Variants in SPATA22 observed in about 807,000 individuals in gnomAD.
The protein encoded by SPATA22 is spermatogenesis associated 22.
Under a neutral mutation model 47.8 loss-of-function variants are expected in SPATA22, and 29 were observed. The observed-to-expected ratio is 0.61, with a 90% CI of 0.45 to 0.83. The LOEUF is 0.83. Ranked by LOEUF, SPATA22 falls within the 40% of genes least tolerant of loss-of-function variation. The pLI is 0.00. For synonymous variants in SPATA22, 133 were observed against 140.9 expected (o/e 0.94, Z 0.40); for missense variants, 410 against 421.7 (o/e 0.97, Z 0.24).
intron 6 of SPATA22, among the ~76,000 whole-genome samples, chr17:3,447,914 C>T (rs2072763544): frequency 1.3e-5 from 2 of 152,192 alleles, no homozygotes; most frequent in African/African-American, 2.4e-5. Context: ...TGATGCACTA[C>T]ATAGGACAGT....
intron 7 of SPATA22, among the ~76,000 whole-genome samples, chr17:3,444,566 T>G (rs1000595163): frequency 6.6e-6 from 1 of 152,028 alleles, no homozygotes; most frequent in Non-Finnish European, 1.5e-5. Context: ...GTGTGGAGCC[T>G]TAAGATGAAG....
intron 5 of SPATA22, among the ~76,000 whole-genome samples, chr17:3,453,220 A>G (rs1030180810): frequency 6.6e-6 from 1 of 152,218 alleles, no homozygotes; most frequent in Non-Finnish European, 1.5e-5. Context: ...TCCATACTTC[A>G]AACCTTAGCA....
chr17:3,508,807 G>T (rs1432859387), intron 1 of SPATA22, among the ~76,000 whole-genome samples: 1 of 143,770 alleles, frequency 7.0e-6, no homozygotes, highest in Admixed American at 7.1e-5. Context: ...GCTAAATGAC[G>T]AGTTAATGGG....
intron 1 of SPATA22, among the ~76,000 whole-genome samples, chr17:3,508,394 G>T (rs540390341): frequency 9.3e-4 from 142 of 151,900 alleles, no homozygotes; most frequent in Middle Eastern, 3.4e-3. Context: ...GCCATCCCAT[G>T]ACTGGGTATA....
At chr17:3,505,158 T>G (rs1268435008) in intron 1 of SPATA22, among the ~76,000 whole-genome samples, 1 of 151,964 alleles carries the variant, frequency 6.6e-6, no homozygotes, top group Non-Finnish European at 1.5e-5. Context: ...GACGCTACTC[T>G]TAAACATGAC....
intron 5 of SPATA22, among the ~76,000 whole-genome samples, chr17:3,459,650 C>T (rs60882589): frequency 0.23 from 35,620 of 152,064 alleles, 4,451 homozygotes; most frequent in East Asian, 0.42. Flanking sequence ...TCAAGTGATC[C>T]GCCCGCCTCC....
intron 1 of SPATA22, among the ~76,000 whole-genome samples, chr17:3,486,083 C>A (rs910242297): frequency 6.6e-6 from 1 of 152,102 alleles, no homozygotes; most frequent in Non-Finnish European, 1.5e-5. Context: ...CAGGTGCCCA[C>A]CACCATACCC....
At chr17:3,465,186 C>T (rs1291874907) in intron 3 of SPATA22, among the ~76,000 whole-genome samples, 3 of 138,248 alleles carry the variant, frequency 2.2e-5, no homozygotes, top group South Asian at 2.5e-4. Flanking sequence ...GGCCAGCCGC[C>T]TCGTCCAGGA....
chr17:3,462,259 A>G (rs1373978056), intron 5 of SPATA22, among the ~76,000 whole-genome samples: 1 of 152,232 alleles, frequency 6.6e-6, no homozygotes, highest in Admixed American at 6.5e-5. Flanking sequence ...GAATCTTTTG[A>G]AGCATAATCA....
chr17:3,486,614 G>T (rs558043986), intron 1 of SPATA22, among the ~76,000 whole-genome samples: 1 of 152,150 alleles, frequency 6.6e-6, no homozygotes, highest in Admixed American at 6.6e-5. Flanking sequence ...TTTCTTGAGC[G>T]CCTCATTAGC....
In SPATA22 at chr17:3,483,264, T is replaced by C. The variant is rs9902229; in HGVS notation, c.-73-13866A>G. On this transcript the variant is annotated intron_variant, in intron 1 of 8. Coordinates refer to the SPATA22 transcript ENST00000541913. ...TGGTTCTGGAGAACTATTTAATGTA[T>C]ATTTTACCTGGAAAGACACTGTATA... 0.28 allele frequency among the ~76,000 whole-genome samples: 42,304 copies of C among 152,026 alleles called. 6,388 individuals carry two copies. The highest frequency in any genetic ancestry group is 0.57 in the East Asian group (2,960 of 5,156).
At chr17:3,454,502 A>T (rs974033835) in intron 5 of SPATA22, among the ~76,000 whole-genome samples, 4 of 147,962 alleles carry the variant, frequency 2.7e-5, no homozygotes, top group African/African-American at 1.0e-4. Flanking sequence ...TCCTGTGTCC[A>T]TGTGTTCTCA....
intron 1 of SPATA22, among the ~76,000 whole-genome samples, chr17:3,487,096 G>C (rs1597436787): frequency 6.9e-6 from 1 of 144,466 alleles, no homozygotes; most frequent in African/African-American, 2.5e-5. Flanking sequence ...GATCATAAGA[G>C]TGGCTGCAGC....
intron 8 of SPATA22, chr17:3,440,550 T>C (rs942148447): frequency 2.8e-6 from 1 of 362,394 alleles, no homozygotes; most frequent in African/African-American, 2.1e-5. Flanking sequence ...GTAGGGCTCT[T>C]ACAAGCTAGC....
chr17:3,508,897 T>TAAAAAAAAA (rs59201485), intron 1 of SPATA22, among the ~76,000 whole-genome samples: 29 of 112,924 alleles, frequency 2.6e-4, no homozygotes, highest in Non-Finnish European at 2.9e-4. Context: ...GCTTAAAGTA[T>TAAAAAAAAA]AAAAAAAAAA....
Position 3,463,579 on chromosome 17 carries a change from T to C in SPATA22, c.173-812A>G, listed in dbSNP as rs192445817. 4.6e-3 allele frequency among the ~76,000 whole-genome samples: 698 copies of C among 152,254 alleles called. 4 individuals are homozygous for C. Among genetic ancestry groups the C allele is most frequent in the Non-Finnish European group, 7.4e-3 (500 of 68,018 alleles). On this transcript the variant is annotated intron_variant, in intron 3 of 8. Transcript: ENST00000572969. ...TGCTTTGGGTGAGTTAGTGATTAAG[T>C]GGTGAGTGAATACGAAGGCCTAGGA...
chr17:3,488,443 G>T lies in SPATA22; in HGVS notation c.-73-19045C>A, dbSNP rs970344525. ...AAGCCGAGAAGGGCAGATTACCTGC[G>T]GTCAGGAGTTTGAGACCAGCCTGAC... On this transcript the variant is annotated intron_variant, in intron 1 of 8. Transcript: ENST00000541913. The surrounding 1 kb of genome is among the most constrained non-coding windows in gnomAD (Gnocchi z 6.1). 3.9e-5 allele frequency among the ~76,000 whole-genome samples: 6 copies of T among 152,124 alleles called. No individual in the cohort carries two copies. Among genetic ancestry groups the T allele is most frequent in the Non-Finnish European group, 7.4e-5 (5 of 68,024 alleles).
At chr17:3,505,570 G>A (rs2074032761) in intron 1 of SPATA22, among the ~76,000 whole-genome samples, 1 of 152,126 alleles carries the variant, frequency 6.6e-6, no homozygotes, top group African/African-American at 2.4e-5. Flanking sequence ...AAAAGTGGCA[G>A]CTGGGGAAAC....
intron 1 of SPATA22, among the ~76,000 whole-genome samples, chr17:3,486,082 AC>A (rs1425120404): frequency 6.6e-6 from 1 of 151,952 alleles, no homozygotes; most frequent in African/African-American, 2.4e-5. Flanking sequence ...ACAGGTGCCC[AC>A]CACCATACCC....
Sources: gnomAD v4.1 joint callset for allele counts (sites outside exome capture counted in the v4.1 genomes callset) on GRCh38, gnomAD v4.1.1 for gene constraint, Gnocchi (gnomAD v3.1) non-coding constraint, MANE v1.5 for transcripts, NCBI Gene and HGNC (gene_info 2026-07-23, HGNC 2026-07-21) for gene names.